The following ROR1 variants were observed in gnomAD, a reference collection of about 807,000 sequenced individuals.
The protein encoded by ROR1 is inactive tyrosine-protein kinase transmembrane receptor ROR1.
Under a neutral mutation model 78.8 loss-of-function variants are expected in ROR1, and 19 were observed. The ratio of observed to expected loss-of-function variants is 0.24; its 90% confidence interval spans 0.17 to 0.35. ROR1 has a LOEUF of 0.35. ROR1 is among the 10% of genes least tolerant of loss of function. The pLI, the probability that ROR1 is intolerant of heterozygous loss-of-function variation, is 1.00. For missense variants in ROR1, 917 were observed against 1,177.8 expected (o/e 0.78, Z 3.24); for synonymous variants, 386 against 433.6 (o/e 0.89, Z 1.36).
At chr1:64,127,832 T>A (rs1409652445) in intron 4 of ROR1, among the ~76,000 whole-genome samples, 1 of 152,180 alleles carries the variant, frequency 6.6e-6, no homozygotes, top group Non-Finnish European at 1.5e-5. Context: ...GAGCTTCCAA[T>A]CTCATACAGG....
In ROR1 at chr1:64,089,909, A is replaced by G. The variant is rs1490946279; in HGVS notation, c.482+39193A>G. On this transcript the variant is annotated intron_variant, in intron 4 of 8. Transcript: ENST00000371079. The stretch of plus-strand genomic sequence containing the variant: ...CAGTTTCCCCCATACTGTTCTCGTC[A>G]TAATGAATAAGTCTCATGAAATCTG... Among the ~76,000 whole-genome samples the G allele has an allele frequency of 2.6e-5, 4 of 152,228 alleles. No individual in the cohort carries two copies. In the East Asian group the frequency reaches 7.7e-4, roughly 29 times the overall value.
chr1:63,823,955 C>T (rs578163949), intron 1 of ROR1, among the ~76,000 whole-genome samples: 1 of 151,606 alleles, frequency 6.6e-6, no homozygotes, highest in Non-Finnish European at 1.5e-5. Flanking sequence ...ACCATGTTGG[C>T]CAGGCTGGTC....
In ROR1 at chr1:63,774,891, A is replaced by G. The variant is rs545439405; in HGVS notation, c.91+383A>G. ...CCCCAGCCGGTGTTCAGGCAAGTCT[A>G]TCCTGCCCCCAAGTTGCGAGCCGGC... On this transcript the variant is annotated intron_variant, in intron 1 of 8. Transcript: ENST00000371079. This position sits in a 1 kb window ranked among gnomAD's most constrained non-coding sequence, Gnocchi z 5.7. 2.7e-4 allele frequency among the ~76,000 whole-genome samples: 41 copies of G among 152,114 alleles called. No individual in the cohort carries two copies. The highest frequency in any genetic ancestry group is 7.9e-4 in the African/African-American group (33 of 41,530).
rs562134957 is a variant in ROR1 at position 63,791,616 on chromosome 1, C to T, written c.91+17108C>T. 1.6e-4 allele frequency among the ~76,000 whole-genome samples: 25 copies of T among 152,244 alleles called. No individual in the cohort carries two copies. In the South Asian group the frequency reaches 4.6e-3, roughly 28 times the overall value. On this transcript the variant is annotated intron_variant, in intron 1 of 8. Transcript: ENST00000371079. ...GAAGGAGGCTGAGACCCCCATGCCT[C>T]ATTGCTAATCGATGGGCATGGTGGA...
intron 1 of ROR1, among the ~76,000 whole-genome samples, chr1:63,825,989 G>T (rs899243631): frequency 1.3e-5 from 2 of 152,104 alleles, no homozygotes; most frequent in African/African-American, 4.8e-5. Context: ...GGAAATACTG[G>T]GTTCCAGGGA....
At chr1:64,125,178 G>A (rs1033970215) in intron 4 of ROR1, among the ~76,000 whole-genome samples, 1 of 152,180 alleles carries the variant, frequency 6.6e-6, no homozygotes, top group Admixed American at 6.5e-5. Context: ...TGCTGTAGAG[G>A]TTTTAAGGCG....
intron 1 of ROR1, among the ~76,000 whole-genome samples, chr1:63,821,454 A>G (rs1644923067): frequency 6.6e-6 from 1 of 152,236 alleles, no homozygotes; most frequent in Admixed American, 6.5e-5. Flanking sequence ...TCACTGCTGC[A>G]TTTGGAAGAA....
intron 4 of ROR1, among the ~76,000 whole-genome samples, chr1:64,119,276 G>T (rs1462247653): frequency 1.3e-5 from 2 of 152,134 alleles, no homozygotes; most frequent in Non-Finnish European, 2.9e-5. Context: ...AGAGGCAGTG[G>T]AAGGGAAAGT....
chr1:63,945,642 G>A (rs772658616), intron 1 of ROR1, among the ~76,000 whole-genome samples: 2 of 152,102 alleles, frequency 1.3e-5, no homozygotes, highest in Non-Finnish European at 2.9e-5. Flanking sequence ...AACATACCCA[G>A]CAGGGTTGTC....
In ROR1 at chr1:64,177,442, G is replaced by C; in HGVS notation, c.1401G>C (p.Glu467Asp). The change falls in exon 9 of 9, where the codon GAG (glutamate) becomes GAC (aspartate). Residue 467 changes from glutamate to aspartate, a missense_variant. This residue lies in a region of ROR1 where 835 missense variants were observed against 1,069.8 expected (regional missense o/e 0.78). Transcript: ENST00000371079. The stretch of plus-strand genomic sequence containing the variant: ...CTTTCATACAGAGCAAGGCTAAAGA[G>C]CTACCTCTTTCTGCTGTACGCTTTA... ...NAYKPKSKAKELPLSAVRFME... is the reference protein window; with the variant it reads ...NAYKPKSKAKDLPLSAVRFME... 6.2e-7 allele frequency: 1 copy of C among 1,613,474 alleles called. No homozygotes were observed. The highest frequency in any genetic ancestry group is 1.3e-5 in the African/African-American group (1 of 74,986).
At chr1:64,164,324 T>A (rs908925688) in intron 8 of ROR1, among the ~76,000 whole-genome samples, 1 of 152,210 alleles carries the variant, frequency 6.6e-6, no homozygotes. Flanking sequence ...TCTCTTAGTT[T>A]ATTTCTGGAA....
At chr1:63,986,188 G>A (rs564875161) in intron 1 of ROR1, among the ~76,000 whole-genome samples, 4 of 152,278 alleles carry the variant, frequency 2.6e-5, no homozygotes, top group Admixed American at 6.5e-5. Flanking sequence ...CTGCTTAGAA[G>A]AATCAAAGAC....
chr1:63,866,991 GA>G (rs1191135517), intron 1 of ROR1, among the ~76,000 whole-genome samples: 2 of 152,188 alleles, frequency 1.3e-5, no homozygotes, highest in African/African-American at 4.8e-5. Context: ...TAGGCATAGT[GA>G]AAACCATTAT....
intron 1 of ROR1, among the ~76,000 whole-genome samples, chr1:63,980,557 T>A (rs1362515119): frequency 6.6e-6 from 1 of 152,222 alleles, no homozygotes; most frequent in Non-Finnish European, 1.5e-5. Flanking sequence ...AGCTAAACCT[T>A]CTGTAAATGG....
At chr1:63,885,518 C>A (rs745624220) in intron 1 of ROR1, among the ~76,000 whole-genome samples, 63 of 152,236 alleles carry the variant, frequency 4.1e-4, no homozygotes, top group Admixed American at 1.1e-3. Context: ...TCTGAAGGAG[C>A]TTCCTTCCAG....
intron 1 of ROR1, among the ~76,000 whole-genome samples, chr1:63,902,429 C>T (rs1286788955): frequency 6.6e-6 from 1 of 151,704 alleles, no homozygotes; most frequent in Non-Finnish European, 1.5e-5. Context: ...GTGATCCTCT[C>T]ACCTCAGCCT....
intron 8 of ROR1, among the ~76,000 whole-genome samples, chr1:64,165,574 C>T (rs1569876412): frequency 6.6e-6 from 1 of 152,040 alleles, no homozygotes; most frequent in East Asian, 1.9e-4. Context: ...AATAAGATCC[C>T]ATTTGTCAAT....
At position 64,179,060 on chromosome 1, in the gene ROR1, A is replaced by C; in HGVS notation, c.*205A>C. ...AAAAAAAAAAAACAAGCAAACAAAA[A>C]CATTGTGGGATGTGCACTCCATTGG... On this transcript the variant is annotated 3_prime_UTR_variant, in exon 9 of 9. Coordinates refer to ENST00000371079, the MANE Select transcript of ROR1 (RefSeq NM_005012.4). 1.2e-5 allele frequency: 6 copies of C among 516,256 alleles called. No homozygotes were observed. The highest frequency in any genetic ancestry group is 2.0e-5 in the Non-Finnish European group (6 of 294,198). 32.0% of individuals were successfully genotyped at this position (516,256 alleles called of 1,614,324 possible). A position where few individuals can be genotyped will look rare whatever the true frequency, so the allele number is the denominator to read the frequency against.
intron 4 of ROR1, among the ~76,000 whole-genome samples, chr1:64,071,600 G>GACAC (rs148629663): frequency 4.3e-5 from 5 of 116,462 alleles, no homozygotes; most frequent in East Asian, 2.5e-4. Context: ...CACACACACA[G>GACAC]ACACACACAC....
Sources: allele counts gnomAD v4.1 joint callset (sites outside exome capture counted in the v4.1 genomes callset), GRCh38; gene constraint gnomAD v4.1.1; regional missense constraint gnomAD v4.1.1; non-coding constraint Gnocchi (gnomAD v3.1); transcripts MANE v1.5; gene names NCBI Gene and HGNC (gene_info 2026-07-23, HGNC 2026-07-21).